Variants in ZSCAN5B observed in about 807,000 individuals in gnomAD.
ZSCAN5B encodes zinc finger and SCAN domain containing 5B.
Under a neutral mutation model 25.2 loss-of-function variants are expected in ZSCAN5B, and 26 were observed. The observed-to-expected ratio is 1.03, with a 90% CI of 0.76 to 1.43. The LOEUF (loss-of-function observed/expected upper bound fraction) is 1.43. Among genes scored for constraint, ZSCAN5B ranks in the 40% most tolerant of loss-of-function variants. ZSCAN5B has a pLI of 0.00. For missense variants in ZSCAN5B, 745 were observed against 622.1 expected (o/e 1.20, Z -2.10); for synonymous variants, 244 against 240.9 (o/e 1.01, Z -0.12).
At position 56,190,988 on chromosome 19, in the gene ZSCAN5B, C is replaced by G; in HGVS notation, c.589-1G>C. 1 of 1,613,906 alleles carries G rather than the reference C, an allele frequency of 6.2e-7. No homozygotes were observed. The highest frequency in any genetic ancestry group is 8.5e-7 in the Non-Finnish European group (1 of 1,179,974). On this transcript the variant is annotated splice_acceptor_variant, in intron 3 of 4. Coordinates refer to ENST00000586855, the Ensembl canonical transcript of ZSCAN5B. LOFTEE classifies it high-confidence loss of function. ...TCTTGTGTAGCAGAAAGTCCTCTCC[C>G]TGAAGAGGAAAAACCAAGAGCAATG...
At chr19:56,193,078 C>A in exon 2 of ZSCAN5B, 2 of 1,512,682 alleles carry the variant, frequency 1.3e-6, no homozygotes, top group Non-Finnish European at 1.8e-6. Flanking sequence ...TTTCAATCAG[C>A]CTCTGAGCAA....
intron 3 of ZSCAN5B, among the ~76,000 whole-genome samples, chr19:56,191,479 A>G (rs1026351635): frequency 5.3e-5 from 8 of 150,082 alleles, no homozygotes; most frequent in Non-Finnish European, 1.2e-4. Context: ...CACTCCTCAA[A>G]TTAAGAAATC....
At position 56,189,728 on chromosome 19, in the gene ZSCAN5B, C is replaced by T. The variant is rs549828803; in HGVS notation, c.*99G>A. 4,599 of 1,408,090 alleles carry T rather than the reference C, an allele frequency of 3.3e-3. 15 individuals carry two copies. The highest frequency in any genetic ancestry group is 3.9e-3 in the Non-Finnish European group (4,077 of 1,051,344). 87.2% of individuals were successfully genotyped at this position (1,408,090 alleles called of 1,614,324 possible). On this transcript the variant is annotated 3_prime_UTR_variant, in exon 5 of 5. Coordinates refer to ENST00000586855, the Ensembl canonical transcript of ZSCAN5B. ...TATTTATTCAAACATCCGGGCAATT[C>T]CTACCAAGTGCTTTATGTGTATATG... is the stretch of plus-strand genomic sequence containing the variant.
chr19:56,195,695 C>A (rs769177258), intron 1 of ZSCAN5B, among the ~76,000 whole-genome samples: 1 of 152,152 alleles, frequency 6.6e-6, no homozygotes, highest in East Asian at 1.9e-4. Flanking sequence ...AAGTGACAGA[C>A]GGTGGGAAGG....
At chr19:56,196,979 T>C (rs2032818483) in intron 1 of ZSCAN5B, among the ~76,000 whole-genome samples, 1 of 151,598 alleles carries the variant, frequency 6.6e-6, no homozygotes, top group African/African-American at 2.4e-5. Flanking sequence ...GTCTCTATAG[T>C]AAATAAAAAA....
In ZSCAN5B at chr19:56,197,888, C is replaced by T. The variant is rs1568587639; in HGVS notation, c.-282G>A. ...GTGATTGGTTTAGGGCCACAGAGTC[C>T]ATTTTCGTAATCGGCGTTGATTACA... On this transcript the variant is annotated 5_prime_UTR_variant, in exon 1 of 5. Transcript: ENST00000586855. The T allele has an allele frequency of 1.2e-5, 12 of 984,388 alleles. No homozygotes were observed. The South Asian group carries it at 3.8e-4, about 31-fold the overall frequency. 61.0% of individuals were successfully genotyped at this position (984,388 alleles called of 1,614,324 possible).
intron 1 of ZSCAN5B, among the ~76,000 whole-genome samples, chr19:56,195,182 G>A (rs1029811926): frequency 1.6e-4 from 24 of 152,216 alleles, no homozygotes; most frequent in African/African-American, 5.5e-4. Flanking sequence ...AGACAGCCAG[G>A]GAGACAATCG....
intron 2 of ZSCAN5B, 118 bp downstream of exon 2, chr19:56,192,551 G>A (rs2032751406): frequency 6.7e-7 from 1 of 1,493,138 alleles, no homozygotes; most frequent in Non-Finnish European, 9.0e-7. Flanking sequence ...CCCTCTGCCT[G>A]TCCATCTCCT....
At chr19:56,192,631 C>T (rs571793421) in intron 2 of ZSCAN5B, 38 bp downstream of exon 2, 5 of 1,558,376 alleles carry the variant, frequency 3.2e-6, no homozygotes, top group Admixed American at 3.8e-5. Context: ...CCCATCCCAG[C>T]TCCCCTTCCC....
Position 56,192,118 on chromosome 19 carries a change from G to T in ZSCAN5B, c.385-65C>A. On this transcript the variant is annotated intron_variant, in intron 2 of 4. Transcript: ENST00000586855. ...TGAAAGTAGCTCTCATATTTCCTGG[G>T]TCCTGCCATAATGCTCACACTTTAC... The T allele has an allele frequency of 2.1e-6, 3 of 1,423,022 alleles. No individual in the cohort carries two copies. In the South Asian group the frequency reaches 3.8e-5, roughly 18 times the overall value. The allele number at this position is 1,423,022 out of a possible 1,614,324, so 88.1% of individuals were successfully genotyped here.
At chr19:56,191,078 C>T in intron 3 of ZSCAN5B, 91 bp from the exon 4 acceptor site, 1 of 1,569,620 alleles carries the variant, frequency 6.4e-7, no homozygotes, top group South Asian at 1.2e-5. Flanking sequence ...ACACACCAGA[C>T]TTCCCATGGA....
At chr19:56,192,513 C>T (rs2032750879) in intron 2 of ZSCAN5B, among the ~76,000 whole-genome samples, 156 bp downstream of exon 2, 1 of 152,214 alleles carries the variant, frequency 6.6e-6, no homozygotes, top group African/African-American at 2.4e-5. Flanking sequence ...TTCAGGTTGG[C>T]CTCACACAGT....
At chr19:56,190,010 C>T (rs1390725859) in exon 5 of ZSCAN5B, 2 of 1,613,838 alleles carry the variant, frequency 1.2e-6, no homozygotes, top group Non-Finnish European at 1.7e-6. Context: ...ACGGCCTCTC[C>T]CCGGTGTGGA....
exon 5 of ZSCAN5B, chr19:56,189,961 C>A: frequency 6.2e-7 from 1 of 1,613,942 alleles, no homozygotes; most frequent in Non-Finnish European, 8.5e-7. Flanking sequence ...TTCAGGTTCC[C>A]CTTGTGGCTG....
chr19:56,192,911 T>A (rs748598330), exon 2 of ZSCAN5B: 1 of 1,614,140 alleles, frequency 6.2e-7, no homozygotes. Flanking sequence ...CTGAACATCC[T>A]GAAATTCATG....
At chr19:56,192,721 C>T in exon 2 of ZSCAN5B, 1 of 1,595,424 alleles carries the variant, frequency 6.3e-7, no homozygotes, top group Non-Finnish European at 8.5e-7. Context: ...GTCTTTGCAG[C>T]TCTGCACACC....
intron 1 of ZSCAN5B, among the ~76,000 whole-genome samples, chr19:56,196,176 C>T (rs535510328): frequency 3.7e-4 from 56 of 152,236 alleles, no homozygotes; most frequent in African/African-American, 1.3e-3. Flanking sequence ...CTCAGCCTCC[C>T]GAGTAGCTGG....
At chr19:56,190,559 C>T (rs146106972) in exon 5 of ZSCAN5B, 2 of 1,612,312 alleles carry the variant, frequency 1.2e-6, no homozygotes, top group Admixed American at 1.7e-5. Flanking sequence ...CCTTCCCCTC[C>T]TTTGCTCTCA....
exon 5 of ZSCAN5B, chr19:56,190,171 G>C (rs759389883): frequency 1.2e-6 from 2 of 1,613,916 alleles, no homozygotes; most frequent in Non-Finnish European, 1.7e-6. Context: ...CATTGAAAGG[G>C]TCTGTCTCCT....
Sources: gnomAD v4.1 joint callset for allele counts (sites outside exome capture counted in the v4.1 genomes callset) on GRCh38, gnomAD v4.1.1 for gene constraint, MANE v1.5 for transcripts, NCBI Gene and HGNC (gene_info 2026-07-23, HGNC 2026-07-21) for gene names.